DNAH10: variants seen among roughly 807,000 people sequenced by gnomAD.
DNAH10 encodes axonemal beta dynein heavy chain 10.
A neutral mutation model predicts 506.6 loss-of-function variants in DNAH10; 348 were observed. That is an observed-to-expected ratio of 0.69 (90% CI 0.63 to 0.75). The LOEUF is 0.75. DNAH10 is among the 30% of genes least tolerant of loss of function. DNAH10 has a pLI of 0.00. For synonymous variants in DNAH10, 2,059 were observed against 2,198.6 expected, an observed-to-expected ratio of 0.94 and a Z score of 1.78; for missense variants, 5,179 against 5,787.1, an observed-to-expected ratio of 0.89 and a Z score of 3.41.
chr12:123,906,572 GTTAAAA>G (rs1432096137), intron 57 of DNAH10, among the ~76,000 whole-genome samples: 4 of 152,324 alleles, frequency 2.6e-5, no homozygotes, highest in Non-Finnish European at 5.9e-5. Flanking sequence ...TTGTGTCCTA[GTTAAAA>G]GGCCTGATCA....
At chr12:123,887,396 C>T in intron 52 of DNAH10, 83 bp downstream of exon 52, 1 of 1,467,848 alleles carries the variant, frequency 6.8e-7, no homozygotes, top group Non-Finnish European at 9.1e-7. Flanking sequence ...GTTACCACCT[C>T]CAGACACTGT....
chr12:123,934,694 A>T lies in DNAH10; in HGVS notation c.13551A>T (p.Lys4517Asn), dbSNP rs777904338. ...DIEKGCLIKS[K>N]PKVLVVDLPI... ...AAAAAGGATGTCTTATCAAGAGCAA[A>T]CCCAAGGTGCTGGTTGTGGACCTGC... Residue 4517 changes from lysine (K) to asparagine (N), a missense_variant, in exon 78 of 79, where the codon AAA becomes AAT. Physicochemically the swap from Lys to Asn is moderately conservative, Grantham distance 94. This residue lies in a region of DNAH10 where 4,844 missense variants were observed against 5,430.5 expected (regional missense o/e 0.89). Transcript: ENST00000673944. 1.2e-6 allele frequency: 2 copies of T among 1,613,546 alleles called. No individual in the cohort carries two copies. The highest frequency in any genetic ancestry group is 1.3e-5 in the African/African-American group (1 of 74,920).
intron 70 of DNAH10, 98 bp from the exon 71 acceptor site, chr12:123,929,177 G>A (rs1018443423): frequency 3.0e-5 from 38 of 1,279,152 alleles, no homozygotes; most frequent in East Asian, 5.0e-5. Flanking sequence ...AGATGGCTCC[G>A]TAGAGAGGAA....
chr12:123,844,346 G>A (rs1395792623), intron 30 of DNAH10, among the ~76,000 whole-genome samples: 1 of 152,158 alleles, frequency 6.6e-6, no homozygotes, highest in Non-Finnish European at 1.5e-5. Flanking sequence ...ACCATATCAG[G>A]CATTTACAGC....
At chr12:123,932,597 G>A (rs1955270731) in intron 76 of DNAH10, 1 of 154,832 alleles carries the variant, frequency 6.5e-6, no homozygotes, top group Admixed American at 6.3e-5. Flanking sequence ...CAAAGAGCTT[G>A]TGCATTTTAA....
In DNAH10 at chr12:123,786,665, A is replaced by AT. The variant is rs1957864395; in HGVS notation, c.1421+729_1421+730insT. On this transcript the variant is annotated intron_variant, in intron 9 of 78. Transcript: ENST00000673944. ...TATGGAGATATATTTTGTTTCAGAT[A>AT]CATATATGTGTGTGTGCACACACAT... Among the ~76,000 whole-genome samples, 8 of 151,006 alleles carry AT rather than the reference A, an allele frequency of 5.3e-5. No individual in the cohort carries two copies. The South Asian group carries it at 1.7e-3, about 32-fold the overall frequency.
chr12:123,896,850 A>G (rs75780817), intron 54 of DNAH10, among the ~76,000 whole-genome samples: 4,529 of 152,266 alleles, frequency 0.03, 215 homozygotes, highest in African/African-American at 0.1. Flanking sequence ...GTAGTAAAAT[A>G]TATGTAACAT....
At chr12:123,896,140 CACACACACAGAGAGAGAGAG>C (rs1953219813) in intron 54 of DNAH10, among the ~76,000 whole-genome samples, 2 of 114,108 alleles carry the variant, frequency 1.8e-5, no homozygotes, top group Non-Finnish European at 3.4e-5. Context: ...CACACACACA[CACACACACAGAGAGAGAGAG>C]AGAGAGAGAG....
At position 123,867,910 on chromosome 12, in the gene DNAH10, A is replaced by T. The variant is rs761900329; in HGVS notation, c.7310A>T (p.Gln2437Leu). The change falls in exon 43 of 79, where the codon CAG (glutamine) becomes CTG (leucine). Residue 2437 changes from glutamine to leucine, a missense_variant. Around this residue, in one of 3 missense-constraint regions of DNAH10, gnomAD observed 4,844 missense variants for 5,430.5 expected, o/e 0.89. Transcript: ENST00000673944. ...TATTTTCCTGTGAACCAGGTAACCC[A>T]GTTAGCCAAGATGTTGGATGCGTTG... ...VPQTDLNMVTQLAKMLDALLE... is the reference protein window; with the variant it reads ...VPQTDLNMVTLLAKMLDALLE... 4 of 1,613,106 alleles carry T rather than the reference A, an allele frequency of 2.5e-6. No homozygotes were observed. In the African/African-American group the frequency reaches 5.3e-5, roughly 22 times the overall value.
intron 11 of DNAH10, among the ~76,000 whole-genome samples, chr12:123,790,778 A>T (rs1392992612): frequency 6.6e-6 from 1 of 152,168 alleles, no homozygotes; most frequent in Non-Finnish European, 1.5e-5. Flanking sequence ...AAGGAGACTT[A>T]CTTCAGTAGG....
rs781567556 is a variant in DNAH10, at chr12:123,898,818, A to G, written c.9640+4A>G. 6.2e-7 allele frequency: 1 copy of G among 1,602,692 alleles called. No homozygotes were observed. Among genetic ancestry groups the G allele is most frequent in the Non-Finnish European group, 8.5e-7 (1 of 1,173,772 alleles). On this transcript the variant is annotated splice_donor_region_variant and intron_variant, in intron 56 of 78. Coordinates refer to ENST00000673944, the MANE Select transcript of DNAH10 (RefSeq NM_001372106.1). ...ATCGCCGTCAACACCGCTGTAGGTG[A>G]GTGAGGGCGGGGCCAGGGCAGCCCA...
chr12:123,876,569 G>C (rs7315389), intron 47 of DNAH10, among the ~76,000 whole-genome samples: 2,506 of 152,186 alleles, frequency 0.016, 72 homozygotes, highest in African/African-American at 0.058. Flanking sequence ...GGAGGTGAAG[G>C]CTTTAGTGAG....
chr12:123,815,519 A>T (rs537075736), intron 21 of DNAH10, among the ~76,000 whole-genome samples: 1 of 151,990 alleles, frequency 6.6e-6, no homozygotes, highest in East Asian at 1.9e-4. Flanking sequence ...TCACCTTATG[A>T]CTCTAGCTAG....
chr12:123,820,802 G>T, intron 24 of DNAH10, 44 bp downstream of exon 24: 1 of 1,600,054 alleles, frequency 6.2e-7, no homozygotes. Context: ...TCACTGAAGG[G>T]GATGTAGGAA....
At chr12:123,814,700 C>T (rs533338155) in intron 21 of DNAH10, among the ~76,000 whole-genome samples, 8 of 151,006 alleles carry the variant, frequency 5.3e-5, no homozygotes, top group Admixed American at 2.0e-4. Context: ...CTGCAAGCTC[C>T]GCCTCCCAGG....
intron 3 of DNAH10, 69 bp downstream of exon 3, chr12:123,771,767 A>T: frequency 4.7e-6 from 6 of 1,274,388 alleles, no homozygotes; most frequent in Non-Finnish European, 6.7e-6. Flanking sequence ...GATTCAGGGT[A>T]ACTGACATAG....
chr12:123,908,298 C>T (rs754322852), intron 57 of DNAH10: 1 of 455,582 alleles, frequency 2.2e-6, no homozygotes, highest in South Asian at 1.6e-5. Context: ...GTCTCCCCCT[C>T]TGTCCCTCCA....
Position 123,917,551 on chromosome 12 carries a change from C to T in DNAH10, c.11003-33C>T, listed in dbSNP as rs1326454943. 2 of 1,541,948 alleles carry T rather than the reference C, an allele frequency of 1.3e-6. No individual in the cohort carries two copies. The highest frequency in any genetic ancestry group is 1.8e-6 in the Non-Finnish European group (2 of 1,140,554). On this transcript the variant is annotated intron_variant, in intron 63 of 78. Transcript: ENST00000673944. This position sits in a 1 kb window ranked among gnomAD's most constrained non-coding sequence, Gnocchi z 5.6. The stretch of plus-strand genomic sequence containing the variant: ...CGGGAGAGACTGTTGTTGGGGGCCG[C>T]AGGTGGTGAGGGCCTCTCACTGTCC...
At position 123,900,971 on chromosome 12, in the gene DNAH10, G is replaced by A. The variant is rs137990159; in HGVS notation, c.9641-1968G>A. Among the ~76,000 whole-genome samples the A allele has an allele frequency of 1.9e-3, 294 of 152,284 alleles. 1 individual carries two copies. Among genetic ancestry groups the A allele is most frequent in the African/African-American group, 6.8e-3 (284 of 41,546 alleles). On this transcript the variant is annotated intron_variant, in intron 56 of 78. Coordinates refer to ENST00000673944, the MANE Select transcript of DNAH10 (RefSeq NM_001372106.1). Reference sequence around the variant, plus strand: ...CAGATTTGGGTCACATGCCCATGCCGAAACCAATCCTGGTGGCCATAGGAA... The same window carrying A: ...CAGATTTGGGTCACATGCCCATGCCAAAACCAATCCTGGTGGCCATAGGAA...
Sources: allele counts gnomAD v4.1 joint callset (sites outside exome capture counted in the v4.1 genomes callset), GRCh38; gene constraint gnomAD v4.1.1; regional missense constraint gnomAD v4.1.1; non-coding constraint Gnocchi (gnomAD v3.1); transcripts MANE v1.5; gene names NCBI Gene and HGNC (gene_info 2026-07-23, HGNC 2026-07-21).